Variants in DACT2 observed in about 807,000 individuals in gnomAD.
The protein encoded by DACT2 is dishevelled binding antagonist of beta catenin 2.
DACT2 carries 20 observed loss-of-function variants against 22.2 expected under a neutral mutation model. The observed-to-expected ratio is 0.90, with a 90% CI of 0.63 to 1.31. The LOEUF (loss-of-function observed/expected upper bound fraction) is 1.31, where lower values mean the gene tolerates loss of function less well. Among genes scored for constraint, DACT2 ranks in the 50% most tolerant of loss-of-function variants. DACT2 has a pLI of 0.00. For missense variants in DACT2, 1,048 were observed against 1,061.4 expected, an observed-to-expected ratio of 0.99 and a Z score of 0.18; for synonymous variants, 463 against 479.8, an observed-to-expected ratio of 0.96 and a Z score of 0.46.
At position 168,294,577 on chromosome 6, in the gene DACT2, G is replaced by GTATATATATATATATA. The variant is rs1554269708; in HGVS notation, c.730+40_730+55dup. 4.9e-3 allele frequency: 613 copies of GTATATATATATATATA among 124,314 alleles called. 21 individuals are homozygous for GTATATATATATATATA. The highest frequency in any genetic ancestry group is 0.029 in the African/African-American group (502 of 17,504). The allele number at this position is 124,314 out of a possible 1,614,324, so 7.7% of individuals were successfully genotyped here. ...TGTGTGTGTATGTGTGTGTGTGTGT[G>GTATATATATATATATA]TATATATATATATATATATATATAT... On this transcript the variant is annotated intron_variant, in intron 4 of 5. Coordinates refer to the DACT2 transcript ENST00000366796.
At chr6:168,306,408 T>G (rs60574751), downstream of DACT2, among the ~76,000 whole-genome samples, 11 of 128,874 alleles carry the variant, frequency 8.5e-5, no homozygotes, top group Non-Finnish European at 1.4e-4. Context: ...AAAAAAAAAG[T>G]TTTTTTTTTC....
intron 1 of DACT2, among the ~76,000 whole-genome samples, chr6:168,318,056 G>A (rs4397201): frequency 0.25 from 26,894 of 107,424 alleles, 4,595 homozygotes; most frequent in South Asian, 0.36. Context: ...TGTGTCTGGT[G>A]CAAACACACA....
intron 4 of DACT2, chr6:168,294,487 A>C: frequency 1.7e-6 from 1 of 591,648 alleles, no homozygotes; most frequent in Non-Finnish European, 2.9e-6. Context: ...ACCCCACAAC[A>C]GGCCCCGGTG....
At chr6:168,313,470 T>G (rs575614251) in intron 1 of DACT2, among the ~76,000 whole-genome samples, 1 of 152,248 alleles carries the variant, frequency 6.6e-6, no homozygotes, top group East Asian at 1.9e-4. Context: ...CTGCACACTT[T>G]TACACAGGTA....
rs986840889 is a variant in DACT2 at position 168,307,779 on chromosome 6, C to T, written c.1978G>A (p.Asp660Asn). The T allele has an allele frequency of 9.7e-6, 15 of 1,545,408 alleles. No individual in the cohort carries two copies. In the East Asian group the frequency reaches 2.4e-4, roughly 25 times the overall value. ...LVRQDAYTRS[D>N]SEPSKHSAEC... ...GCCGAGTGCTTGGAGGGCTCTGAGT[C>T]GCTCCTGGTGTAGGCGTCCTGGCGG... The change falls in exon 4 of 4, where the codon GAC (aspartate) becomes AAC (asparagine). Residue 660 changes from aspartate to asparagine, a missense_variant. Coordinates refer to ENST00000366795, the MANE Select transcript of DACT2 (RefSeq NM_214462.5). The surrounding 1 kb of genome is among the most constrained non-coding windows in gnomAD (Gnocchi z 5.3).
At position 168,308,172 on chromosome 6, in the gene DACT2, G is replaced by T. The variant is rs1298179756; in HGVS notation, c.1585C>A (p.Gln529Lys). 2 of 1,550,170 alleles carry T rather than the reference G, an allele frequency of 1.3e-6. No individual in the cohort carries two copies. Among genetic ancestry groups the T allele is most frequent in the South Asian group, 2.4e-5 (2 of 84,010 alleles). ...GCAGGGTCCCACTCCAGGGATGGCT[G>T]GGGGGCTGCATGGGCTCCCTCAGGC... ...DRPEGAHAAP[Q>K]PSLEWDPAHW... is the part of the protein sequence containing the mutation. Residue 529 changes from glutamine (Q) to lysine (K), a missense_variant, in exon 4 of 4, where the codon CAG (glutamine) becomes AAG (lysine). Coordinates refer to ENST00000366795, the MANE Select transcript of DACT2 (RefSeq NM_214462.5).
Position 168,307,532 on chromosome 6 carries a change from G to A in DACT2, c.2225C>T (p.Ser742Phe). 6.4e-7 allele frequency: 1 copy of A among 1,551,528 alleles called. No homozygotes were observed. Reference sequence around the variant, plus strand: ...AATACGGCACAGCTTGGGCACGGGGGACAGGAGTGGCCCCGAGCTGACCGG... The same window carrying A: ...AATACGGCACAGCTTGGGCACGGGGAACAGGAGTGGCCCCGAGCTGACCGG... ...EAPVSSGPLL[S>F]PVPKLCRIKA... Residue 742 changes from serine (S) to phenylalanine (F), a missense_variant, in exon 4 of 4, where the codon TCC (serine) becomes TTC (phenylalanine). Ser to Phe is a radical substitution (Grantham distance 155, BLOSUM62 -2). Transcript: ENST00000366795. The surrounding 1 kb of genome is among the most constrained non-coding windows in gnomAD (Gnocchi z 5.3).
In DACT2 at chr6:168,312,464, T is replaced by TGGGATTACAGGCATGTGCC. The variant is rs1779444997; in HGVS notation, c.247-1199_247-1181dup. Among the ~76,000 whole-genome samples the TGGGATTACAGGCATGTGCC allele has an allele frequency of 1.3e-5, 2 of 152,250 alleles. 1 individual carries two copies. The highest frequency in any genetic ancestry group is 4.1e-4 in the South Asian group (2 of 4,834). On this transcript the variant is annotated intron_variant, in intron 1 of 3. Coordinates refer to ENST00000366795, the MANE Select transcript of DACT2 (RefSeq NM_214462.5). ...TGCCTTCTTTGGCCTCCCAATGTGC[T>TGGGATTACAGGCATGTGCC]GGGATTACAGGCATGTGCCTGGCCA...
At chr6:168,315,897 A>G (rs1779533401) in intron 1 of DACT2, among the ~76,000 whole-genome samples, 1 of 152,204 alleles carries the variant, frequency 6.6e-6, no homozygotes, top group Non-Finnish European at 1.5e-5. Flanking sequence ...AAGGCTGTTC[A>G]TTGTATTCAA....
chr6:168,304,050 T>G (rs2114898804), downstream of DACT2, among the ~76,000 whole-genome samples: 1 of 152,336 alleles, frequency 6.6e-6, no homozygotes, highest in African/African-American at 2.4e-5. Context: ...AAGTTAGTTC[T>G]AAAGACCCCG....
In DACT2 at chr6:168,316,188, C is replaced by G. The variant is rs538511203; in HGVS notation, c.246+3200G>C. ...AAGTTTGATTTGTATATTTCTTAAG[C>G]CAAGTTAATCATCACCTGCACTCCC... On this transcript the variant is annotated intron_variant, in intron 1 of 3. Coordinates refer to ENST00000366795, the MANE Select transcript of DACT2 (RefSeq NM_214462.5). Among the ~76,000 whole-genome samples, 4 of 152,394 alleles carry G rather than the reference C, an allele frequency of 2.6e-5. No individual in the cohort carries two copies. In the East Asian group the frequency reaches 7.7e-4, roughly 29 times the overall value.
chr6:168,306,452 TTTTC>T (rs1200618981), downstream of DACT2, among the ~76,000 whole-genome samples: 4 of 152,036 alleles, frequency 2.6e-5, no homozygotes, highest in East Asian at 1.9e-4. Flanking sequence ...CCCCTCTTTT[TTTTC>T]TTTTGAGATG....
chr6:168,310,583 G>A (rs1583299456), intron 2 of DACT2, 137 bp from the exon 3 acceptor site: 9 of 1,195,060 alleles, frequency 7.5e-6, no homozygotes, highest in Non-Finnish European at 1.0e-5. Context: ...GTGTGCCATC[G>A]TCCACACGGC....
chr6:168,301,509 G>T (rs545991949), intron 3 of DACT2, among the ~76,000 whole-genome samples: 25 of 152,346 alleles, frequency 1.6e-4, no homozygotes, highest in Non-Finnish European at 3.1e-4. Flanking sequence ...AGCCCAGGAA[G>T]CTCAACAGTA....
rs1247963453 is a variant in DACT2, at chr6:168,293,876, G to T, written c.*18C>A. On this transcript the variant is annotated 3_prime_UTR_variant, in exon 6 of 6. Coordinates refer to the DACT2 transcript ENST00000366796. Reference sequence around the variant, plus strand: ...GACTGGTCAGTCAATGCAGCCCCCAGCTTGGTGTAGTGCTCTGTCATTGCT... The same window carrying T: ...GACTGGTCAGTCAATGCAGCCCCCATCTTGGTGTAGTGCTCTGTCATTGCT... The T allele has an allele frequency of 1.8e-5, 13 of 703,206 alleles. No homozygotes were observed. The Admixed American group carries it at 2.4e-4, about 13-fold the overall frequency. 43.6% of individuals were successfully genotyped at this position (703,206 alleles called of 1,614,324 possible).
downstream of DACT2, among the ~76,000 whole-genome samples, chr6:168,304,529 G>A (rs940402899): frequency 3.3e-5 from 5 of 152,178 alleles, no homozygotes; most frequent in South Asian, 2.1e-4. Flanking sequence ...GGGCCTGCAC[G>A]TGGCATCTGC....
At chr6:168,310,549 C>T in intron 2 of DACT2, 103 bp from the exon 3 acceptor site, 3 of 1,448,886 alleles carry the variant, frequency 2.1e-6, no homozygotes, top group East Asian at 2.5e-5. Context: ...CAGGGGAACC[C>T]CTGAGCTGAG....
chr6:168,306,012 G>C (rs533858710), downstream of DACT2, among the ~76,000 whole-genome samples: 9 of 152,316 alleles, frequency 5.9e-5, no homozygotes, highest in South Asian at 1.7e-3. Context: ...TGCCTCCACT[G>C]TCTTCACTGT....
rs570366910 is a variant in DACT2, at chr6:168,308,421, C to T, written c.1336G>A (p.Ala446Thr). The part of the protein sequence containing the change: ...TMVQASPSSK[A>T]QQTPSAQDYG... Reference sequence around the variant, plus strand: ...TCCTGAGCTGAGGGTGTCTGCTGGGCCTTTGAGCTGGGAGAAGCCTGCACC... The same window carrying T: ...TCCTGAGCTGAGGGTGTCTGCTGGGTCTTTGAGCTGGGAGAAGCCTGCACC... The change falls in exon 4 of 4, where the codon GCC (alanine) becomes ACC (threonine). Residue 446 changes from alanine to threonine, a missense_variant. Transcript: ENST00000366795. 1 of 1,551,742 alleles carries T rather than the reference C, an allele frequency of 6.4e-7. No homozygotes were observed. The highest frequency in any genetic ancestry group is 1.7e-4 in the Middle Eastern group (1 of 5,992).
Sources: gnomAD v4.1 joint callset for allele counts (sites outside exome capture counted in the v4.1 genomes callset) on GRCh38, gnomAD v4.1.1 for gene constraint, Gnocchi (gnomAD v3.1) non-coding constraint, MANE v1.5 for transcripts, NCBI Gene and HGNC (gene_info 2026-07-23, HGNC 2026-07-21) for gene names.